The following PRKAG2 variants were observed in gnomAD, a reference collection of about 807,000 sequenced individuals.
PRKAG2 encodes 5'-AMP-activated protein kinase subunit gamma-2.
A neutral mutation model predicts 69.6 loss-of-function variants in PRKAG2; 26 were observed. The ratio of observed to expected loss-of-function variants is 0.37; its 90% CI spans 0.27 to 0.52. PRKAG2 has a LOEUF of 0.52. PRKAG2 is among the 20% of genes least tolerant of loss of function. The pLI is 0.90. For synonymous variants in PRKAG2, 293 were observed against 285.0 expected, an observed-to-expected ratio of 1.03 and a Z score of -0.28; for missense variants, 557 against 740.0, an observed-to-expected ratio of 0.75 and a Z score of 2.87.
At chr7:151,811,727 G>A (rs1389106533) in intron 1 of PRKAG2, among the ~76,000 whole-genome samples, 1 of 152,226 alleles carries the variant, frequency 6.6e-6, no homozygotes, top group East Asian at 1.9e-4. Flanking sequence ...TAGGAAGGGA[G>A]GGAAGGTATT....
intron 4 of PRKAG2, among the ~76,000 whole-genome samples, chr7:151,634,392 G>T (rs111265278): frequency 2.7e-4 from 41 of 152,118 alleles, no homozygotes; most frequent in African/African-American, 9.9e-4. Context: ...TTGGGAACTG[G>T]GGCAAGGCAA....
intron 5 of PRKAG2, among the ~76,000 whole-genome samples, chr7:151,604,409 G>C (rs1816977450): frequency 6.6e-6 from 1 of 152,246 alleles, no homozygotes; most frequent in African/African-American, 2.4e-5. Flanking sequence ...GGCCGAGGCA[G>C]GAGGAGCCCT....
At chr7:151,840,369 CAT>C (rs2079247351) in intron 1 of PRKAG2, among the ~76,000 whole-genome samples, 2 of 152,192 alleles carry the variant, frequency 1.3e-5, no homozygotes, top group South Asian at 2.1e-4. Context: ...GGGCCCTCAC[CAT>C]GCACCAGTTA....
intron 8 of PRKAG2, 94 bp downstream of exon 8, chr7:151,574,797 A>C: frequency 6.4e-7 from 1 of 1,559,066 alleles, no homozygotes; most frequent in Non-Finnish European, 8.7e-7. Flanking sequence ...AAAAAACTGA[A>C]AACATTAAAA....
At chr7:151,855,456 CTCCACACACACCATG>C in intron 1 of PRKAG2, among the ~76,000 whole-genome samples, 1 of 64,422 alleles carries the variant, frequency 1.6e-5, no homozygotes, top group African/African-American at 5.7e-5. Flanking sequence ...ACACACCATC[CTCCACACACACCATG>C]CTCCACACAC....
chr7:151,697,106 C>T (rs1323673692), intron 3 of PRKAG2, among the ~76,000 whole-genome samples: 1 of 152,072 alleles, frequency 6.6e-6, no homozygotes, highest in African/African-American at 2.4e-5. Context: ...GGGCCTTGGG[C>T]GGGAGCATCC....
At chr7:151,560,491 G>A (rs1265836047) in intron 15 of PRKAG2, 33 bp downstream of exon 15, 6 of 1,613,708 alleles carry the variant, frequency 3.7e-6, no homozygotes, top group East Asian at 4.5e-5. Flanking sequence ...CTTCCTAGAC[G>A]CCGATGGCAA....
At chr7:151,742,300 C>A (rs2151714529) in intron 3 of PRKAG2, among the ~76,000 whole-genome samples, 1 of 152,276 alleles carries the variant, frequency 6.6e-6, no homozygotes, top group Admixed American at 6.5e-5. Flanking sequence ...CCTGATTTTT[C>A]ATTTTAGGCT....
chr7:151,574,236 C>T (rs182159044), intron 8 of PRKAG2, among the ~76,000 whole-genome samples: 1 of 152,226 alleles, frequency 6.6e-6, no homozygotes, highest in Non-Finnish European at 1.5e-5. Context: ...TCCTGTCCTT[C>T]CCCCCACCCT....
chr7:151,576,515 T>C, intron 6 of PRKAG2, 63 bp from the exon 7 acceptor site: 1 of 1,405,752 alleles, frequency 7.1e-7, no homozygotes, highest in Non-Finnish European at 9.9e-7. Flanking sequence ...TACCTTTTTT[T>C]TTTGAGACAA....
intron 12 of PRKAG2, 139 bp downstream of exon 12, chr7:151,565,581 G>C (rs939255313): frequency 1.6e-6 from 2 of 1,218,124 alleles, no homozygotes; most frequent in Middle Eastern, 2.7e-4. Flanking sequence ...TTACGATCCT[G>C]CGTGCCCCTT....
At position 151,557,248 on chromosome 7, in the gene PRKAG2, A is replaced by G; in HGVS notation, c.1679-16T>C. 2.5e-6 allele frequency: 4 copies of G among 1,613,956 alleles called. No homozygotes were observed. Among genetic ancestry groups the G allele is most frequent in the Non-Finnish European group, 3.4e-6 (4 of 1,179,910 alleles). ...TGTTTGGCACCTGTCAGTGGATGGA[A>G]GATGAAAGTTTCAAAGCTCATGGTA... is the stretch of plus-strand genomic sequence containing the variant. On this transcript the variant is annotated splice_polypyrimidine_tract_variant and intron_variant, in intron 15 of 15. Transcript: ENST00000287878.
chr7:151,874,711 C>T (rs915783371), intron 1 of PRKAG2, among the ~76,000 whole-genome samples: 4 of 152,042 alleles, frequency 2.6e-5, no homozygotes, highest in East Asian at 1.9e-4. Flanking sequence ...CATGGTAAAA[C>T]CTCATGTCTA....
chr7:151,722,773 T>A lies in PRKAG2; in HGVS notation c.467-47136A>T, dbSNP rs935208588. Among the ~76,000 whole-genome samples, 3 of 151,808 alleles carry A rather than the reference T, an allele frequency of 2.0e-5. No homozygotes were observed. In the East Asian group the frequency reaches 5.8e-4, roughly 29 times the overall value. The stretch of plus-strand genomic sequence containing the variant: ...CCCAGTCCCGGCTGTCACAGGCACT[T>A]CTTATTATGGATGTGCTACTAACAC... On this transcript the variant is annotated intron_variant, in intron 3 of 15. Coordinates refer to ENST00000287878, the MANE Select transcript of PRKAG2 (RefSeq NM_016203.4).
chr7:151,785,336 C>T (rs1245506919), intron 2 of PRKAG2, among the ~76,000 whole-genome samples: 1 of 152,224 alleles, frequency 6.6e-6, no homozygotes, highest in African/African-American at 2.4e-5. Flanking sequence ...ACCCAGTGCC[C>T]GCGGGGCTGG....
At chr7:151,857,656 A>C (rs2079819899) in intron 1 of PRKAG2, among the ~76,000 whole-genome samples, 3 of 152,150 alleles carry the variant, frequency 2.0e-5, no homozygotes, top group Admixed American at 6.5e-5. Context: ...GGACAATAGC[A>C]GCACCAGCAC....
At chr7:151,736,986 G>A (rs553982987) in intron 3 of PRKAG2, among the ~76,000 whole-genome samples, 33 of 152,276 alleles carry the variant, frequency 2.2e-4, no homozygotes, top group African/African-American at 7.7e-4. Context: ...CCAAACCGCT[G>A]ATCAAGTAAA....
chr7:151,559,218 G>A (rs1804405735), intron 15 of PRKAG2: 1 of 963,300 alleles, frequency 1.0e-6, no homozygotes, highest in Non-Finnish European at 1.2e-6. Flanking sequence ...ACTGTTGAAT[G>A]CAGCTGTACT....
chr7:151,692,144 C>T (rs3095359), intron 3 of PRKAG2, among the ~76,000 whole-genome samples: 144,333 of 152,200 alleles, frequency 0.95, 68,522 homozygotes, highest in East Asian at 1. Context: ...GTCATGACTG[C>T]GCCACAGCAC....
Sources: allele counts gnomAD v4.1 joint callset (sites outside exome capture counted in the v4.1 genomes callset), GRCh38; gene constraint gnomAD v4.1.1; transcripts MANE v1.5; gene names NCBI Gene and HGNC (gene_info 2026-07-23, HGNC 2026-07-21).